Variants in EVC observed in about 807,000 individuals in gnomAD.
EVC encodes the protein evC complex member EVC.
Under a neutral mutation model 118.9 loss-of-function variants are expected in EVC, and 116 were observed. That is an observed-to-expected ratio of 0.98 (90% CI 0.84 to 1.14). EVC has a LOEUF of 1.14. EVC is among the 50% of genes most tolerant of loss of function. EVC has a pLI of 0.00. For synonymous variants in EVC, 619 were observed against 534.7 expected, an observed-to-expected ratio of 1.16 and a Z score of -2.18; for missense variants, 1,401 against 1,246.4, an observed-to-expected ratio of 1.12 and a Z score of -1.87.
rs1731479242 is a variant in EVC, at chr4:5,758,213, T to C, written c.1563+1851T>C. On this transcript the variant is annotated intron_variant, in intron 11 of 20. Coordinates refer to ENST00000264956, the MANE Select transcript of EVC (RefSeq NM_153717.3). ...GCCAGAAGAGCCCAGGAAGGGCCCC[T>C]CCCAGAGCCTTTGGAGGGGGCGAGG... 12 of 688,546 alleles carry C rather than the reference T, an allele frequency of 1.7e-5. 1 individual carries two copies. The highest frequency in any genetic ancestry group is 1.7e-4 in the South Asian group (11 of 65,090). 42.7% of individuals were successfully genotyped at this position (688,546 alleles called of 1,614,324 possible).
At chr4:5,822,832 AACGT>A in the EVC span, among the ~76,000 whole-genome samples, 1 of 152,156 alleles carries the variant, frequency 6.6e-6, no homozygotes, top group Non-Finnish European at 1.5e-5. Flanking sequence ...CTAACAGAAA[AACGT>A]AAGTAAGTTA....
At chr4:5,773,334 G>A (rs899330592) in intron 11 of EVC, among the ~76,000 whole-genome samples, 1 of 152,044 alleles carries the variant, frequency 6.6e-6, no homozygotes, top group African/African-American at 2.4e-5. Flanking sequence ...GCTGATCTAG[G>A]CTGGGCTTGA....
intron 1 of EVC, among the ~76,000 whole-genome samples, chr4:5,715,874 G>A (rs996196477): frequency 5.9e-5 from 9 of 151,720 alleles, no homozygotes; most frequent in African/African-American, 1.9e-4. Flanking sequence ...CTCCTGAGTA[G>A]CTGGGACTAC....
Position 5,798,752 on chromosome 4 carries a change from C to T in EVC, c.2264C>T (p.Ala755Val). The change falls in exon 15 of 21, where the codon GCA (alanine) becomes GTA (valine). Residue 755 changes from alanine (A) to valine (V), a missense_variant. Ala to Val is a moderately conservative substitution (Grantham distance 64). Transcript: ENST00000264956. The surrounding 1 kb of genome is among the most constrained non-coding windows in gnomAD (Gnocchi z 4.1). ...GCGCTGCTGGTGCATGCACGGAATGCAGCCACCAAGAGCCGGGCCAAGGAC... is the reference window on the plus strand; with the variant it reads ...GCGCTGCTGGTGCATGCACGGAATGTAGCCACCAAGAGCCGGGCCAAGGAC... ...GQALLVHARNAATKSRAKDRD... is the reference protein window; with the variant it reads ...GQALLVHARNVATKSRAKDRD... The T allele has an allele frequency of 6.2e-7, 1 of 1,611,162 alleles. No homozygotes were observed. The highest frequency in any genetic ancestry group is 8.5e-7 in the Non-Finnish European group (1 of 1,179,932).
chr4:5,792,906 A>T (rs28795505), intron 12 of EVC, among the ~76,000 whole-genome samples: 11,563 of 152,268 alleles, frequency 0.076, 587 homozygotes, highest in South Asian at 0.14. Context: ...CATGAAGAAA[A>T]ATGAGAGAAA....
intron 9 of EVC, 123 bp downstream of exon 9, chr4:5,753,175 C>G: frequency 1.1e-6 from 1 of 940,026 alleles, no homozygotes; most frequent in African/African-American, 1.6e-5. Flanking sequence ...GGCTGCCTTT[C>G]TGCTTCTGCC....
At chr4:5,757,688 C>T (rs1731387202) in intron 11 of EVC, among the ~76,000 whole-genome samples, 1 of 152,150 alleles carries the variant, frequency 6.6e-6, no homozygotes, top group South Asian at 2.1e-4. Flanking sequence ...CTGGTCTCTC[C>T]CTTTTCTTAT....
At chr4:5,817,427 C>T (rs16837696), downstream of EVC, among the ~76,000 whole-genome samples, 28,806 of 152,126 alleles carry the variant, frequency 0.19, 2,740 homozygotes, top group East Asian at 0.31. Flanking sequence ...GGACTCTGGA[C>T]GCACAGCCAT....
At chr4:5,759,060 T>C (rs1260424647) in intron 11 of EVC, among the ~76,000 whole-genome samples, 1 of 107,774 alleles carries the variant, frequency 9.3e-6, no homozygotes, top group African/African-American at 3.3e-5. Context: ...TTAGTAAGCA[T>C]GTTGTGGAGG....
rs532423871 is a variant in EVC at position 5,783,800 on chromosome 4, C to T, written c.1776+36C>T. The T allele has an allele frequency of 7.3e-5, 114 of 1,558,750 alleles. 1 individual carries two copies. The South Asian group carries it at 1.3e-3, about 17-fold the overall frequency. On this transcript the variant is annotated intron_variant, in intron 12 of 20. Coordinates refer to ENST00000264956, the MANE Select transcript of EVC (RefSeq NM_153717.3). Reference sequence around the variant, plus strand: ...TTGGGAACCCAGGGGCTGGGGTCTGCATTTTAGAAACACACGAAGAAGCGT... The same window carrying T: ...TTGGGAACCCAGGGGCTGGGGTCTGTATTTTAGAAACACACGAAGAAGCGT...
At chr4:5,778,110 T>C (rs1185208022) in intron 11 of EVC, among the ~76,000 whole-genome samples, 1 of 151,498 alleles carries the variant, frequency 6.6e-6, no homozygotes, top group African/African-American at 2.4e-5. Context: ...GTTCTTGCGA[T>C]AGTTTACTGA....
chr4:5,778,645 G>C (rs1209370876), intron 11 of EVC, among the ~76,000 whole-genome samples: 1 of 150,900 alleles, frequency 6.6e-6, no homozygotes. Context: ...CTTCTTTTGA[G>C]AAGTGTCTGT....
In EVC at chr4:5,745,186, TTTC is replaced by T. The variant is rs370315662; in HGVS notation, c.802-5_802-3del. ...TTTTCTTTGTTTATTTGCTTTCTTT[TTTC>T]TTCTTCTTCTTCAGGATTTGGAGGA... On this transcript the variant is annotated splice_polypyrimidine_tract_variant and intron_variant, in intron 6 of 20. Coordinates refer to ENST00000264956, the MANE Select transcript of EVC (RefSeq NM_153717.3). 1.3e-4 allele frequency: 197 copies of T among 1,570,128 alleles called. No homozygotes were observed. In the African/African-American group the frequency reaches 1.9e-3, roughly 15 times the overall value.
At chr4:5,809,854 T>A (rs1344098922) in intron 19 of EVC, among the ~76,000 whole-genome samples, 2 of 152,224 alleles carry the variant, frequency 1.3e-5, no homozygotes, top group East Asian at 1.9e-4. Context: ...GTCTCCTAAC[T>A]GACTCCATTT....
the EVC span, chr4:5,821,597 C>G: frequency 1.5e-6 from 1 of 686,552 alleles, no homozygotes; most frequent in Admixed American, 2.6e-5. This position sits in a 1 kb window ranked among gnomAD's most constrained non-coding sequence, Gnocchi z 4.4. Flanking sequence ...ACACACCACA[C>G]TAGTACCACT....
chr4:5,711,704 TC>T, intron 1 of EVC, 150 bp downstream of exon 1: 2 of 681,654 alleles, frequency 2.9e-6, no homozygotes, highest in Non-Finnish European at 3.7e-6. Flanking sequence ...CCCCTTCTGC[TC>T]CAGGAGGGAG....
At chr4:5,815,416 C>T (rs377437352), downstream of EVC, among the ~76,000 whole-genome samples, 11 of 152,260 alleles carry the variant, frequency 7.2e-5, no homozygotes, top group African/African-American at 2.4e-4. Context: ...AGTGATGACC[C>T]CACAAACCAG....
chr4:5,782,536 GAAAAAAAAAAAA>G (rs71171483), intron 11 of EVC, among the ~76,000 whole-genome samples: 524 of 45,780 alleles, frequency 0.011, 6 homozygotes, highest in African/African-American at 0.024. Context: ...TGTTTTAAAT[GAAAAAAAAAAAA>G]AAAAAAAAAA....
chr4:5,795,284 C>G (rs188871258), intron 13 of EVC, among the ~76,000 whole-genome samples: 112 of 152,218 alleles, frequency 7.4e-4, no homozygotes, highest in African/African-American at 2.5e-3. Context: ...CAGCCCTTTG[C>G]AGAAAACAAA....
Sources: gnomAD v4.1 joint callset for allele counts (sites outside exome capture counted in the v4.1 genomes callset) on GRCh38, gnomAD v4.1.1 for gene constraint, Gnocchi (gnomAD v3.1) non-coding constraint, MANE v1.5 for transcripts, NCBI Gene and HGNC (gene_info 2026-07-23, HGNC 2026-07-21) for gene names.